SERPINA12: variants seen among roughly 807,000 people sequenced by gnomAD.
SERPINA12 encodes the protein serpin family A member 12.
A neutral mutation model predicts 25.9 loss-of-function variants in SERPINA12; 21 were observed. The ratio of observed to expected loss-of-function variants is 0.81; its 90% CI spans 0.58 to 1.17. The LOEUF is 1.17. SERPINA12 is among the 50% of genes most tolerant of loss of function. The probability of loss-of-function intolerance (pLI) is 0.00; values close to 1 mark genes in which losing one functional copy is unlikely to be tolerated. For missense variants in SERPINA12, 562 were observed against 508.3 expected (o/e 1.11, Z -1.02); for synonymous variants, 220 against 196.0 (o/e 1.12, Z -1.02).
chr14:94,514,859 G>A (rs1011952211), intron 2 of SERPINA12, among the ~76,000 whole-genome samples: 2 of 152,176 alleles, frequency 1.3e-5, no homozygotes, highest in Non-Finnish European at 2.9e-5. Flanking sequence ...GTGTGGAGGT[G>A]GGCAAGGATT....
chr14:94,500,488 G>A (rs1298210855), intron 1 of SERPINA12, among the ~76,000 whole-genome samples: 1 of 152,160 alleles, frequency 6.6e-6, no homozygotes, highest in Non-Finnish European at 1.5e-5. Context: ...GTTGGTTCAG[G>A]AGCCAGACCT....
At chr14:94,490,375 C>G (rs1419995482) in intron 3 of SERPINA12, among the ~76,000 whole-genome samples, 1 of 152,084 alleles carries the variant, frequency 6.6e-6, no homozygotes, top group Non-Finnish European at 1.5e-5. Flanking sequence ...TCCTCTGTGG[C>G]TGAACCGCGA....
intron 1 of SERPINA12, chr14:94,503,519 G>T (rs1396332029): frequency 6.4e-6 from 1 of 157,040 alleles, no homozygotes; most frequent in Non-Finnish European, 1.4e-5. Context: ...CTGTTTGCCT[G>T]ACCTGGTCCT....
upstream of SERPINA12, among the ~76,000 whole-genome samples, chr14:94,510,420 T>C (rs1256415258): frequency 6.6e-6 from 1 of 152,062 alleles, no homozygotes; most frequent in Non-Finnish European, 1.5e-5. Flanking sequence ...TCTTACAAGA[T>C]GGCCATAATT....
chr14:94,495,890 A>G (rs1474676122), intron 3 of SERPINA12, among the ~76,000 whole-genome samples: 2 of 152,204 alleles, frequency 1.3e-5, no homozygotes, highest in Non-Finnish European at 2.9e-5. Context: ...TTTATGTTTT[A>G]AAAAGAAAAA....
chr14:94,488,014 G>A (rs1899976279), intron 4 of SERPINA12, among the ~76,000 whole-genome samples: 1 of 152,200 alleles, frequency 6.6e-6, no homozygotes, highest in African/African-American at 2.4e-5. Context: ...TAACGGGCAT[G>A]TGTGAAATCC....
chr14:94,504,876 C>T (rs1407879961), intron 1 of SERPINA12, among the ~76,000 whole-genome samples: 1 of 152,092 alleles, frequency 6.6e-6, no homozygotes, highest in East Asian at 1.9e-4. Context: ...ACAGATATTA[C>T]TTTAGGATTA....
chr14:94,510,749 A>T (rs1347902194), upstream of SERPINA12, among the ~76,000 whole-genome samples: 2 of 152,260 alleles, frequency 1.3e-5, no homozygotes, highest in African/African-American at 4.8e-5. Context: ...CACACCATGG[A>T]ATACCACTCA....
At chr14:94,508,050 G>T (rs1282694201) in intron 1 of SERPINA12, among the ~76,000 whole-genome samples, 2 of 152,312 alleles carry the variant, frequency 1.3e-5, no homozygotes. Flanking sequence ...GTTTCCACAG[G>T]ATCCCCAGTT....
chr14:94,516,823 A>C (rs1487379281), intron 1 of SERPINA12, among the ~76,000 whole-genome samples: 2 of 152,174 alleles, frequency 1.3e-5, no homozygotes, highest in Non-Finnish European at 2.9e-5. Context: ...TTTGGGTCAA[A>C]CACTTCTGAA....
upstream of SERPINA12, among the ~76,000 whole-genome samples, chr14:94,513,811 G>T (rs1050487493): frequency 3.9e-5 from 6 of 152,298 alleles, no homozygotes; most frequent in African/African-American, 1.4e-4. Flanking sequence ...GTCTTCCAGT[G>T]GTGTTTCCAA....
chr14:94,503,219 C>T (rs1296412261), intron 1 of SERPINA12: 1 of 984,572 alleles, frequency 1.0e-6, no homozygotes, highest in African/African-American at 1.7e-5. Flanking sequence ...TATCTTCTCT[C>T]CCCTGTTAGA....
At chr14:94,516,649 A>G (rs1208851993) in intron 1 of SERPINA12, among the ~76,000 whole-genome samples, 1 of 152,186 alleles carries the variant, frequency 6.6e-6, no homozygotes, top group East Asian at 1.9e-4. Context: ...GAGGGTGAGA[A>G]TTCGTCACTA....
intron 4 of SERPINA12, among the ~76,000 whole-genome samples, chr14:94,488,951 G>A (rs1186691792): frequency 1.3e-5 from 2 of 152,024 alleles, no homozygotes; most frequent in Admixed American, 1.3e-4. Flanking sequence ...AAAAAAATTA[G>A]CCGGGCATGG....
intron 4 of SERPINA12, among the ~76,000 whole-genome samples, chr14:94,488,067 T>C (rs1195782803): frequency 6.6e-6 from 1 of 152,208 alleles, no homozygotes; most frequent in Non-Finnish European, 1.5e-5. Flanking sequence ...ACAATTTTAC[T>C]TGCAGAAAAC....
At chr14:94,510,255 A>G, upstream of SERPINA12, 1 of 985,446 alleles carries the variant, frequency 1.0e-6, no homozygotes. Flanking sequence ...CACTTAAAAT[A>G]ATATAGACCC....
At chr14:94,511,360 A>T, upstream of SERPINA12, 1 of 971,496 alleles carries the variant, frequency 1.0e-6, no homozygotes, top group Non-Finnish European at 1.2e-6. Context: ...TCATCTGTCA[A>T]ATGTCACACG....
rs750040942 is a variant in SERPINA12 at position 94,487,490 on chromosome 14, A to G, written c.1058T>C (p.Val353Ala). The G allele has an allele frequency of 6.2e-7, 1 of 1,610,104 alleles. No homozygotes were observed. Among genetic ancestry groups the G allele is most frequent in the South Asian group, 1.1e-5 (1 of 90,438 alleles). Residue 353 changes from valine to alanine, a missense_variant, in exon 5 of 5, where the codon GTG (valine) becomes GCG (alanine). By Grantham distance (64) the Val-to-Ala change is moderately conservative (BLOSUM62 0). Transcript: ENST00000677451. Reference sequence around the variant, plus strand: ...ATCCATCTTCAGCTCAGCCTTGTGCACAGCCTACGGAAGCCAAGGGCAAAG... The same window carrying G: ...ATCCATCTTCAGCTCAGCCTTGTGCGCAGCCTACGGAAGCCAAGGGCAAAG... ...PHRSLKVGEA[V>A]HKAELKMDER...
At chr14:94,490,650 C>T (rs926562188) in intron 3 of SERPINA12, among the ~76,000 whole-genome samples, 1 of 152,030 alleles carries the variant, frequency 6.6e-6, no homozygotes, top group African/African-American at 2.4e-5. Context: ...CAGCTTCCAG[C>T]TCATTTCTTT....
Sources: allele counts gnomAD v4.1 joint callset (sites outside exome capture counted in the v4.1 genomes callset), GRCh38; gene constraint gnomAD v4.1.1; transcripts MANE v1.5; gene names NCBI Gene and HGNC (gene_info 2026-07-23, HGNC 2026-07-21).